The following AGBL1 variants were observed in gnomAD, a reference collection of about 807,000 sequenced individuals.
AGBL1 encodes cytosolic carboxypeptidase 4.
In AGBL1, 130 loss-of-function variants were observed where a neutral mutation model predicts 118.9. The ratio of observed to expected loss-of-function variants is 1.09; its 90% confidence interval spans 0.95 to 1.26. The LOEUF is 1.26. AGBL1 is among the 50% of genes most tolerant of loss of function. AGBL1 has a pLI of 0.00. For missense variants in AGBL1, 1,584 were observed against 1,298.1 expected, an observed-to-expected ratio of 1.22 and a Z score of -3.38; for synonymous variants, 555 against 478.9, an observed-to-expected ratio of 1.16 and a Z score of -2.08.
chr15:86,930,509 A>G (rs1211801775), intron 23 of AGBL1, among the ~76,000 whole-genome samples: 1 of 146,952 alleles, frequency 6.8e-6, no homozygotes, highest in Non-Finnish European at 1.5e-5. Context: ...TGAGATGCTT[A>G]CTTAGAGGTC....
At chr15:86,287,963 A>C (rs987010222) in intron 16 of AGBL1, among the ~76,000 whole-genome samples, 1 of 151,360 alleles carries the variant, frequency 6.6e-6, no homozygotes, top group African/African-American at 2.4e-5. Flanking sequence ...CATCCACAGA[A>C]ATATTTTCAT....
intron 17 of AGBL1, among the ~76,000 whole-genome samples, chr15:86,367,079 G>C (rs2080898536): frequency 6.6e-6 from 1 of 152,136 alleles, no homozygotes; most frequent in Non-Finnish European, 1.5e-5. Flanking sequence ...TAATTTCATG[G>C]AAGCCTGACC....
intron 22 of AGBL1, among the ~76,000 whole-genome samples, chr15:86,753,496 C>T (rs2077887166): frequency 1.4e-5 from 2 of 145,838 alleles, no homozygotes; most frequent in Non-Finnish European, 3.0e-5. Flanking sequence ...CTCCCGGATT[C>T]AAGCAATTCT....
intron 11 of AGBL1, among the ~76,000 whole-genome samples, chr15:86,265,323 G>A (rs1218953924): frequency 6.6e-6 from 1 of 152,164 alleles, no homozygotes; most frequent in Non-Finnish European, 1.5e-5. Context: ...TAGGAGAATA[G>A]TTTTGCTGCC....
chr15:86,832,878 C>A (rs1441897681), intron 22 of AGBL1, among the ~76,000 whole-genome samples: 2 of 152,142 alleles, frequency 1.3e-5, no homozygotes, highest in Non-Finnish European at 2.9e-5. Flanking sequence ...TGTTCTCATG[C>A]TGCTAATAAA....
At position 86,547,341 on chromosome 15, in the gene AGBL1, G is replaced by C. The variant is rs542774447; in HGVS notation, c.2817+1208G>C. Among the ~76,000 whole-genome samples, 13 of 152,118 alleles carry C rather than the reference G, an allele frequency of 8.5e-5. No homozygotes were observed. The South Asian group carries it at 2.3e-3, about 27-fold the overall frequency. The stretch of plus-strand genomic sequence containing the variant: ...CTACCATGGTCCAATCTTAAATATA[G>C]AGTCAGCATGTTTTTTACTTCTCTT... On this transcript the variant is annotated intron_variant, in intron 20 of 22. Transcript: ENST00000614907.
chr15:87,005,020 CA>C (rs1217183133), intron 24 of AGBL1, among the ~76,000 whole-genome samples: 1 of 152,178 alleles, frequency 6.6e-6, no homozygotes, highest in Non-Finnish European at 1.5e-5. Flanking sequence ...TATTGGCCCC[CA>C]CTCTGTTCTG....
intron 22 of AGBL1, among the ~76,000 whole-genome samples, chr15:86,756,767 T>C (rs1167322787): frequency 6.6e-6 from 1 of 151,860 alleles, no homozygotes; most frequent in Admixed American, 6.6e-5. Flanking sequence ...CAAAAGTTGT[T>C]GAGAGGGAAA....
At chr15:86,662,270 GA>G (rs2085558354) in intron 21 of AGBL1, among the ~76,000 whole-genome samples, 1 of 152,226 alleles carries the variant, frequency 6.6e-6, no homozygotes, top group African/African-American at 2.4e-5. Flanking sequence ...AAAAGTGTCT[GA>G]AAAAATTCAC....
At chr15:86,089,342 C>A (rs1895873031) in intron 1 of AGBL1, among the ~76,000 whole-genome samples, 1 of 152,192 alleles carries the variant, frequency 6.6e-6, no homozygotes, top group African/African-American at 2.4e-5. Flanking sequence ...GACCCTACAA[C>A]CAGTCTGCAG....
At chr15:86,979,263 A>G (rs1299561038) in intron 23 of AGBL1, among the ~76,000 whole-genome samples, 1 of 152,214 alleles carries the variant, frequency 6.6e-6, no homozygotes, top group Non-Finnish European at 1.5e-5. Flanking sequence ...AATTTGGGAA[A>G]TGCAGTGCAA....
intron 24 of AGBL1, among the ~76,000 whole-genome samples, chr15:86,996,419 A>T (rs1226002040): frequency 6.6e-6 from 1 of 152,158 alleles, no homozygotes; most frequent in Non-Finnish European, 1.5e-5. Flanking sequence ...TCCACAGTAT[A>T]TACACTTTGT....
intron 22 of AGBL1, among the ~76,000 whole-genome samples, chr15:86,834,218 C>T (rs1024991714): frequency 2.6e-5 from 4 of 152,106 alleles, no homozygotes; most frequent in South Asian, 2.1e-4. Flanking sequence ...GCAGCAACCA[C>T]GGTATCCCAA....
chr15:86,837,287 C>T (rs1427880055), intron 22 of AGBL1, among the ~76,000 whole-genome samples: 5 of 151,072 alleles, frequency 3.3e-5, no homozygotes, highest in South Asian at 2.1e-4. Context: ...AAACCAAGGA[C>T]GTTCTAGTAC....
At chr15:86,670,233 C>G (rs2085716945) in intron 21 of AGBL1, among the ~76,000 whole-genome samples, 1 of 152,046 alleles carries the variant, frequency 6.6e-6, no homozygotes. Flanking sequence ...CCCTGAAGGT[C>G]TCGATTAATT....
chr15:86,264,226 C>G (rs1243019133), intron 10 of AGBL1, 32 bp from the exon 11 acceptor site: 3 of 1,483,586 alleles, frequency 2.0e-6, no homozygotes, highest in African/African-American at 1.4e-5. Context: ...GAAGGACACA[C>G]TAACATATTG....
intron 18 of AGBL1, among the ~76,000 whole-genome samples, chr15:86,452,406 A>G (rs532561164): frequency 6.6e-6 from 1 of 152,240 alleles, no homozygotes; most frequent in South Asian, 2.1e-4. Flanking sequence ...TAGCCTCATG[A>G]TGCACTGAAT....
chr15:86,827,333 ATATATG>A (rs1485148552), intron 22 of AGBL1, among the ~76,000 whole-genome samples: 1 of 11,042 alleles, frequency 9.1e-5, no homozygotes, highest in Non-Finnish European at 1.3e-4. Flanking sequence ...ACATATATAT[ATATATG>A]TGTATATATA....
intron 23 of AGBL1, among the ~76,000 whole-genome samples, chr15:86,969,111 C>G (rs1055132146): frequency 2.6e-5 from 4 of 151,884 alleles, no homozygotes; most frequent in African/African-American, 9.7e-5. Context: ...TAATTCCATC[C>G]CAATAGCATC....
Sources: gnomAD v4.1 joint callset for allele counts (sites outside exome capture counted in the v4.1 genomes callset) on GRCh38, gnomAD v4.1.1 for gene constraint, MANE v1.5 for transcripts, NCBI Gene and HGNC (gene_info 2026-07-23, HGNC 2026-07-21) for gene names.